Variants in SOX5 observed in about 807,000 individuals in gnomAD.
SOX5 encodes the protein SRY-box transcription factor 5.
In SOX5, 9 loss-of-function variants were observed where a neutral mutation model predicts 92.0. The observed-to-expected ratio is 0.10, with a 90% CI of 0.06 to 0.17. SOX5 has a LOEUF of 0.17. Ranked by LOEUF, SOX5 falls within the 10% of genes least tolerant of loss-of-function variation. SOX5 has a pLI of 1.00. For synonymous variants in SOX5, 344 were observed against 336.3 expected (o/e 1.02, Z -0.25); for missense variants, 642 against 944.5 (o/e 0.68, Z 4.20).
chr12:23,821,833 C>T (rs893814751), intron 3 of SOX5, among the ~76,000 whole-genome samples: 1 of 152,060 alleles, frequency 6.6e-6, no homozygotes, highest in South Asian at 2.1e-4. Context: ...TTGACTTCTT[C>T]CTGGTTTATT....
intron 2 of SOX5, among the ~76,000 whole-genome samples, chr12:24,310,801 T>C (rs1003363569): frequency 6.6e-6 from 1 of 152,068 alleles, no homozygotes; most frequent in African/African-American, 2.4e-5. Flanking sequence ...ATAGCATAAA[T>C]GGTTGAAATA....
intron 6 of SOX5, among the ~76,000 whole-genome samples, chr12:23,712,121 T>C (rs1462629257): frequency 6.6e-6 from 1 of 152,138 alleles, no homozygotes; most frequent in Non-Finnish European, 1.5e-5. Flanking sequence ...ATGAGAACCA[T>C]GTGAGAACAA....
intron 12 of SOX5, among the ~76,000 whole-genome samples, chr12:23,544,675 G>C (rs1365544307): frequency 6.6e-6 from 1 of 152,166 alleles, no homozygotes; most frequent in East Asian, 1.9e-4. Context: ...TCACATACAA[G>C]CATGATTGAA....
chr12:24,265,157 T>C (rs1174707876), intron 3 of SOX5, among the ~76,000 whole-genome samples: 2 of 152,176 alleles, frequency 1.3e-5, no homozygotes, highest in African/African-American at 2.4e-5. Context: ...CGAAAAACAA[T>C]TTGTTCCTCT....
intron 4 of SOX5, among the ~76,000 whole-genome samples, chr12:23,998,587 G>A (rs979094558): frequency 1.8e-4 from 27 of 151,818 alleles, no homozygotes; most frequent in Admixed American, 5.9e-4. Flanking sequence ...GGTGGATCAC[G>A]AGGTCAGGAG....
intron 4 of SOX5, among the ~76,000 whole-genome samples, chr12:24,017,644 AAAAAG>A (rs1243888403): frequency 5.3e-5 from 8 of 152,226 alleles, no homozygotes; most frequent in East Asian, 1.9e-4. Flanking sequence ...AATGAAATTA[AAAAAG>A]AAAAGAAAAG....
intron 3 of SOX5, among the ~76,000 whole-genome samples, chr12:23,781,213 CCTTT>C (rs1036465846): frequency 6.6e-6 from 1 of 151,812 alleles, no homozygotes; most frequent in African/African-American, 2.4e-5. Flanking sequence ...TTCTGTACTT[CCTTT>C]CTTTCATGCT....
At chr12:23,679,164 A>T (rs1277538433) in intron 6 of SOX5, among the ~76,000 whole-genome samples, 1 of 152,172 alleles carries the variant, frequency 6.6e-6, no homozygotes, top group Non-Finnish European at 1.5e-5. Context: ...AGAAAGAGAA[A>T]TCTAGTAAAT....
Position 23,827,664 on chromosome 12 carries a change from C to T in SOX5, c.481+18319G>A, listed in dbSNP as rs535443026. Among the ~76,000 whole-genome samples the T allele has an allele frequency of 3.9e-5, 6 of 152,234 alleles. No individual in the cohort carries two copies. The East Asian group carries it at 5.8e-4, about 15-fold the overall frequency. On this transcript the variant is annotated intron_variant, in intron 3 of 14. Transcript: ENST00000451604. ...GGTACCAGACAGTTGCTTGGCACTGCGGATACAGTTCTCTACATATGAGCT... is the reference window on the plus strand; with the variant it reads ...GGTACCAGACAGTTGCTTGGCACTGTGGATACAGTTCTCTACATATGAGCT...
At chr12:23,870,626 G>A (rs2096862434) in intron 2 of SOX5, among the ~76,000 whole-genome samples, 1 of 152,066 alleles carries the variant, frequency 6.6e-6, no homozygotes, top group African/African-American at 2.4e-5. Context: ...GAGCTACAAA[G>A]TCTACAGTTC....
intron 4 of SOX5, among the ~76,000 whole-genome samples, chr12:24,142,449 T>C (rs1451655023): frequency 6.6e-6 from 1 of 152,044 alleles, no homozygotes; most frequent in African/African-American, 2.4e-5. Context: ...TGGTTGTGTA[T>C]AGAAACATGG....
chr12:24,082,761 T>C lies in SOX5; in HGVS notation c.-2+130582A>G, dbSNP rs187565560. Among the ~76,000 whole-genome samples the C allele has an allele frequency of 3.0e-4, 46 of 152,008 alleles. No homozygotes were observed. In the East Asian group the frequency reaches 7.7e-3, roughly 26 times the overall value. ...TTGATCTTTTTTTTTCTTAGTTTTT[T>C]CTTCTCTTTAATTCAGGTCATAGTT... is the stretch of plus-strand genomic sequence containing the variant. On this transcript the variant is annotated intron_variant, in intron 4 of 4. Transcript: ENST00000446891.
At chr12:24,437,240 A>C (rs1044771157) in intron 1 of SOX5, among the ~76,000 whole-genome samples, 4 of 151,576 alleles carry the variant, frequency 2.6e-5, no homozygotes, top group African/African-American at 9.7e-5. Flanking sequence ...CTATTTAATA[A>C]ATGGTGTTGG....
At chr12:24,398,142 A>G (rs1422490866) in intron 1 of SOX5, among the ~76,000 whole-genome samples, 1 of 152,028 alleles carries the variant, frequency 6.6e-6, no homozygotes, top group Non-Finnish European at 1.5e-5. Context: ...GAGCCACCAC[A>G]CCCGGCCAAA....
chr12:24,250,752 G>T (rs980855711), intron 3 of SOX5, among the ~76,000 whole-genome samples: 10 of 152,074 alleles, frequency 6.6e-5, no homozygotes, highest in Admixed American at 1.3e-4. Flanking sequence ...ATCACTGAAG[G>T]TACCCAAACA....
chr12:24,371,983 G>A (rs1011468044), intron 1 of SOX5, among the ~76,000 whole-genome samples: 2 of 149,742 alleles, frequency 1.3e-5, no homozygotes, highest in Non-Finnish European at 3.0e-5. Flanking sequence ...GTGAGACTCT[G>A]CCTTTAAAAA....
chr12:23,937,714 T>G (rs1280007898), intron 1 of SOX5, among the ~76,000 whole-genome samples: 1 of 150,950 alleles, frequency 6.6e-6, no homozygotes, highest in Non-Finnish European at 1.5e-5. Flanking sequence ...TAGTGAAACC[T>G]ACTTTGCCAG....
chr12:24,420,691 G>A (rs946421144), intron 1 of SOX5, among the ~76,000 whole-genome samples: 1 of 152,140 alleles, frequency 6.6e-6, no homozygotes, highest in Non-Finnish European at 1.5e-5. Flanking sequence ...ATCACAGTTA[G>A]TAAATGAAAA....
chr12:24,535,444 C>A (rs1354930844), intron 1 of SOX5, among the ~76,000 whole-genome samples: 2 of 152,108 alleles, frequency 1.3e-5, no homozygotes, highest in African/African-American at 4.8e-5. Context: ...TAGAGGATGT[C>A]TTAGTATGTT....
Sources: allele counts gnomAD v4.1 joint callset (sites outside exome capture counted in the v4.1 genomes callset), GRCh38; gene constraint gnomAD v4.1.1; transcripts MANE v1.5; gene names NCBI Gene and HGNC (gene_info 2026-07-23, HGNC 2026-07-21).